Variants in GIMD1 observed in about 807,000 individuals in gnomAD.
GIMD1 encodes GTPase IMAP family member GIMD1.
Under a neutral mutation model 14.9 loss-of-function variants are expected in GIMD1, and 14 were observed. The observed-to-expected ratio is 0.94, with a 90% CI of 0.62 to 1.47. The LOEUF (loss-of-function observed/expected upper bound fraction) is 1.47, where lower values mean the gene tolerates loss of function less well. GIMD1 is among the 40% of genes most tolerant of loss of function. GIMD1 has a pLI of 0.00. For synonymous variants in GIMD1, 91 were observed against 90.5 expected (o/e 1.01, Z -0.03); for missense variants, 272 against 255.3 (o/e 1.07, Z -0.44).
rs1227937280 is a variant in GIMD1 at position 106,367,356 on chromosome 4, A to T, written c.80T>A (p.Ile27Asn). The T allele has an allele frequency of 6.5e-7, 1 of 1,536,004 alleles. No individual in the cohort carries two copies. The highest frequency in any genetic ancestry group is 2.0e-5 in the Admixed American group (1 of 50,984). Residue 27 changes from isoleucine (I) to asparagine (N), a missense_variant, in exon 2 of 3, where the codon ATT (isoleucine) becomes AAT (asparagine). Transcript: ENST00000638719. ...GTGAAAGTCTGTGCTTCCCAGCAGAATGTTTCCAGCAGAACTTTTTCCACT... is the reference window on the plus strand; with the variant it reads ...GTGAAAGTCTGTGCTTCCCAGCAGATTGTTTCCAGCAGAACTTTTTCCACT... ...TQSGKSSAGN[I>N]LLGSTDFHSS...
rs1194442453 is a variant in GIMD1, at chr4:106,358,300, G to A, written c.537C>T (p.His179=). The A allele has an allele frequency of 3.3e-6, 5 of 1,533,074 alleles. No individual in the cohort carries two copies. The highest frequency in any genetic ancestry group is 3.5e-6 in the Non-Finnish European group (4 of 1,145,146). 95.0% of individuals were successfully genotyped at this position (1,533,074 alleles called of 1,614,324 possible). A position where few individuals can be genotyped will look rare whatever the true frequency, so the allele number is the denominator to read the frequency against. The change falls in exon 3 of 3, where the codon CAC becomes CAT. Residue 179 remains histidine (H), a synonymous_variant. Transcript: ENST00000638719. ...CTTTTTTGTACTGGAAAACGTATTTGTGCTGAATAGAATTTAGCAGCGTTT... is the reference window on the plus strand; with the variant it reads ...CTTTTTTGTACTGGAAAACGTATTTATGCTGAATAGAATTTAGCAGCGTTT... ...TLKTLLNSIQ[H]KYVFQYKKGK... is the part of the protein sequence containing the mutation.
At chr4:106,362,443 T>C (rs1770627164) in intron 2 of GIMD1, among the ~76,000 whole-genome samples, 1 of 152,094 alleles carries the variant, frequency 6.6e-6, no homozygotes, top group African/African-American at 2.4e-5. Context: ...AATTTAAATA[T>C]AGTACTAAGC....
intron 2 of GIMD1, among the ~76,000 whole-genome samples, chr4:106,363,600 A>T (rs1034593967): frequency 4.6e-5 from 7 of 152,094 alleles, no homozygotes; most frequent in African/African-American, 1.7e-4. Flanking sequence ...AACTCTTAAC[A>T]TACATAAAAT....
chr4:106,363,816 T>C (rs942933353), intron 2 of GIMD1, among the ~76,000 whole-genome samples: 1 of 147,992 alleles, frequency 6.8e-6, no homozygotes, highest in African/African-American at 2.5e-5. Context: ...AGCTCGGTTG[T>C]TGATGATGAA....
chr4:106,368,363 G>C (rs888888986), intron 1 of GIMD1, among the ~76,000 whole-genome samples: 1 of 152,038 alleles, frequency 6.6e-6, no homozygotes, highest in Non-Finnish European at 1.5e-5. Context: ...AACTGCCCAC[G>C]CTACCAATTC....
Position 106,358,065 on chromosome 4 carries a change from A to T in GIMD1, c.*118T>A. ...TTTTCCAAAGTGGTTATACCAATGT[A>T]CACTCTCACCAGCAGCATATCAGAA... On this transcript the variant is annotated 3_prime_UTR_variant, in exon 3 of 3. Coordinates refer to ENST00000638719, the MANE Select transcript of GIMD1 (RefSeq NM_001195138.2). 1.5e-6 allele frequency: 1 copy of T among 667,366 alleles called. No individual in the cohort carries two copies. The highest frequency in any genetic ancestry group is 2.2e-5 in the South Asian group (1 of 46,314). 41.3% of individuals were successfully genotyped at this position (667,366 alleles called of 1,614,324 possible). A position where few individuals can be genotyped will look rare whatever the true frequency, so the allele number is the denominator to read the frequency against.
In GIMD1 at chr4:106,358,327, C is replaced by G; in HGVS notation, c.510G>C (p.Leu170=). 6.5e-7 allele frequency: 1 copy of G among 1,534,088 alleles called. No individual in the cohort carries two copies. The highest frequency in any genetic ancestry group is 8.7e-7 in the Non-Finnish European group (1 of 1,145,666). The change falls in exon 3 of 3, where the codon CTG becomes CTC. Residue 170 remains leucine, a synonymous_variant. Transcript: ENST00000638719. Reference sequence around the variant, plus strand: ...GCTGAATAGAATTTAGCAGCGTTTTCAGGGTATCAGAGGCCTCATGTAAAT... The same window carrying G: ...GCTGAATAGAATTTAGCAGCGTTTTGAGGGTATCAGAGGCCTCATGTAAAT... ...DKYLHEASDT[L]KTLLNSIQHK...
chr4:106,361,698 C>T (rs1473048209), intron 2 of GIMD1, among the ~76,000 whole-genome samples: 1 of 152,028 alleles, frequency 6.6e-6, no homozygotes, highest in Non-Finnish European at 1.5e-5. Context: ...CCTTGAGAGC[C>T]ATCCTAAACT....
intron 2 of GIMD1, among the ~76,000 whole-genome samples, chr4:106,360,843 C>A (rs1448572744): frequency 6.6e-6 from 1 of 151,978 alleles, no homozygotes; most frequent in African/African-American, 2.4e-5. Context: ...AGGAGACAAC[C>A]CTTACAACAC....
intron 2 of GIMD1, among the ~76,000 whole-genome samples, chr4:106,361,821 A>G (rs766907689): frequency 6.6e-6 from 1 of 152,130 alleles, no homozygotes; most frequent in Non-Finnish European, 1.5e-5. Context: ...TTTGAAATAC[A>G]GTATTGCTAC....
Position 106,367,341 on chromosome 4 carries a change from G to A in GIMD1, c.95C>T (p.Thr32Ile), listed in dbSNP as rs1216055395. ...GGGAGCAAAGCTGCTGTGAAAGTCT[G>A]TGCTTCCCAGCAGAATGTTTCCAGC... ...SSAGNILLGS[T>I]DFHSSFAPCS... is the part of the protein sequence containing the mutation. Residue 32 changes from threonine (T) to isoleucine (I), a missense_variant, in exon 2 of 3, where the codon ACA (threonine) becomes ATA (isoleucine). Coordinates refer to ENST00000638719, the MANE Select transcript of GIMD1 (RefSeq NM_001195138.2). 7.8e-6 allele frequency: 12 copies of A among 1,536,036 alleles called. No homozygotes were observed. The highest frequency in any genetic ancestry group is 1.7e-4 in the Middle Eastern group (1 of 5,990).
Position 106,358,672 on chromosome 4 carries a change from C to A in GIMD1, c.394-229G>T, listed in dbSNP as rs148730026. Among the ~76,000 whole-genome samples the A allele has an allele frequency of 1.3e-3, 199 of 151,918 alleles. 1 individual carries two copies. The highest frequency in any genetic ancestry group is 4.0e-3 in the Admixed American group (61 of 15,210). Reference sequence around the variant, plus strand: ...GATTAAACAGAGAATTAAATTCTCTCTTTTATTTTACTATGATAATTGATA... The same window carrying A: ...GATTAAACAGAGAATTAAATTCTCTATTTTATTTTACTATGATAATTGATA... On this transcript the variant is annotated intron_variant, in intron 2 of 2. Transcript: ENST00000638719.
At chr4:106,363,993 G>T (rs1770655912) in intron 2 of GIMD1, among the ~76,000 whole-genome samples, 1 of 151,052 alleles carries the variant, frequency 6.6e-6, no homozygotes, top group South Asian at 2.1e-4. Context: ...TATCTTCTCT[G>T]ATTCATTATT....
chr4:106,366,017 C>G (rs972637407), intron 2 of GIMD1, among the ~76,000 whole-genome samples: 11 of 151,946 alleles, frequency 7.2e-5, no homozygotes, highest in African/African-American at 2.7e-4. Flanking sequence ...TTATCCAGCT[C>G]CTCTCCTTAT....
intron 2 of GIMD1, among the ~76,000 whole-genome samples, chr4:106,365,912 T>TAC (rs1770692841): frequency 6.8e-6 from 1 of 147,576 alleles, no homozygotes; most frequent in African/African-American, 2.6e-5. Context: ...ACACATCATA[T>TAC]GCACACACAC....
At chr4:106,360,831 G>C (rs1770602032) in intron 2 of GIMD1, among the ~76,000 whole-genome samples, 1 of 152,030 alleles carries the variant, frequency 6.6e-6, no homozygotes, top group African/African-American at 2.4e-5. Flanking sequence ...ACAGCTATCA[G>C]AAGGAGACAA....
chr4:106,367,498 T>C, intron 1 of GIMD1, 61 bp from the exon 2 acceptor site: 1 of 1,421,776 alleles, frequency 7.0e-7, no homozygotes, highest in Non-Finnish European at 9.3e-7. Context: ...CAATGTAAGT[T>C]TTCTTACCTG....
chr4:106,366,094 T>C (rs1037643187), intron 2 of GIMD1, among the ~76,000 whole-genome samples: 6 of 151,846 alleles, frequency 4.0e-5, no homozygotes, highest in Admixed American at 6.6e-5. Flanking sequence ...AGCAAACAAA[T>C]TGGAATAGAC....
At chr4:106,359,708 AAAG>A (rs1436981852) in intron 2 of GIMD1, among the ~76,000 whole-genome samples, 1 of 151,784 alleles carries the variant, frequency 6.6e-6, no homozygotes, top group Non-Finnish European at 1.5e-5. Context: ...AACAAAGAAA[AAAG>A]AAGAAGGAAA....
Sources: gnomAD v4.1 joint callset for allele counts (sites outside exome capture counted in the v4.1 genomes callset) on GRCh38, gnomAD v4.1.1 for gene constraint, MANE v1.5 for transcripts, NCBI Gene and HGNC (gene_info 2026-07-23, HGNC 2026-07-21) for gene names.